SCTR: variants seen among roughly 807,000 people sequenced by gnomAD.
SCTR encodes secretin receptor.
In SCTR, 56 loss-of-function variants were observed where a neutral mutation model predicts 60.8. The ratio of observed to expected loss-of-function variants is 0.92; its 90% CI spans 0.74 to 1.15. SCTR has a LOEUF of 1.15. Among genes scored for constraint, SCTR ranks in the 50% most tolerant of loss-of-function variants. The pLI is 0.00. For synonymous variants in SCTR, 202 were observed against 217.0 expected (o/e 0.93, Z 0.61); for missense variants, 562 against 550.4 (o/e 1.02, Z -0.21).
intron 4 of SCTR, among the ~76,000 whole-genome samples, chr2:119,470,073 C>T (rs1271134036): frequency 6.6e-6 from 1 of 152,328 alleles, no homozygotes; most frequent in East Asian, 1.9e-4. Context: ...TAGGAATGGG[C>T]TTGGCTGTGT....
At chr2:119,497,999 T>G (rs141538498) in intron 1 of SCTR, among the ~76,000 whole-genome samples, 1,544 of 152,156 alleles carry the variant, frequency 0.01, 28 homozygotes, top group African/African-American at 0.036. Context: ...CTTCCCAAAT[T>G]TGGCAAGAGA....
At chr2:119,506,886 G>A (rs897632669) in intron 1 of SCTR, among the ~76,000 whole-genome samples, 5 of 152,144 alleles carry the variant, frequency 3.3e-5, no homozygotes, top group African/African-American at 1.2e-4. Flanking sequence ...CTATAATAGG[G>A]CACCATGAAG....
rs200825424 is a variant in SCTR at position 119,444,248 on chromosome 2, CAT to C, written c.1140+2509_1140+2510del. Among the ~76,000 whole-genome samples the C allele has an allele frequency of 1.5e-3, 195 of 129,040 alleles. 6 individuals carry two copies. Among genetic ancestry groups the C allele is most frequent in the African/African-American group, 6.4e-3 (180 of 28,140 alleles). The allele number at this position is 129,040 out of a possible 152,430, so 84.7% of individuals were successfully genotyped here. The stretch of plus-strand genomic sequence containing the variant: ...ACACATATACATATGAATATATACA[CAT>C]ATACATATGAATATATACATATATA... On this transcript the variant is annotated intron_variant, in intron 11 of 12. Coordinates refer to ENST00000019103, the MANE Select transcript of SCTR (RefSeq NM_002980.3).
In SCTR at chr2:119,452,111, G is replaced by A. The variant is rs763806718; in HGVS notation, c.852-32C>T. On this transcript the variant is annotated intron_variant, in intron 8 of 12. Coordinates refer to ENST00000019103, the MANE Select transcript of SCTR (RefSeq NM_002980.3). ...GAGGGACAGCTGGGCATGGTTATGA[G>A]CAGGAGCTGTGGGAGCTGGGCTAAC... 2.1e-6 allele frequency: 3 copies of A among 1,456,128 alleles called. No homozygotes were observed. The South Asian group carries it at 3.5e-5, about 17-fold the overall frequency. 90.2% of individuals were successfully genotyped at this position (1,456,128 alleles called of 1,614,324 possible).
intron 1 of SCTR, among the ~76,000 whole-genome samples, chr2:119,519,125 C>T (rs1255355259): frequency 1.3e-5 from 2 of 152,158 alleles, no homozygotes; most frequent in Non-Finnish European, 2.9e-5. Context: ...CCACGCCCAG[C>T]TAATTTTTTT....
chr2:119,449,949 G>A (rs1683082101), intron 9 of SCTR, among the ~76,000 whole-genome samples: 1 of 92,868 alleles, frequency 1.1e-5, no homozygotes, highest in South Asian at 3.8e-4. Flanking sequence ...AAAAAAGAAG[G>A]AAGGAAGGAA....
At chr2:119,478,700 C>T (rs1366398855) in intron 3 of SCTR, 111 bp downstream of exon 3, 3 of 872,788 alleles carry the variant, frequency 3.4e-6, no homozygotes, top group South Asian at 1.6e-5. Context: ...CATCATTGTA[C>T]CCATACTTGT....
intron 7 of SCTR, among the ~76,000 whole-genome samples, chr2:119,459,698 G>T (rs886324046): frequency 6.6e-6 from 1 of 152,122 alleles, no homozygotes; most frequent in Admixed American, 6.5e-5. Context: ...GCTCCACAAA[G>T]ATTTGAAGAA....
chr2:119,450,145 C>G lies in SCTR; in HGVS notation c.922-1365G>C, dbSNP rs1003555144. ...GAAGGAAAGGAAGGAAGGAAGGAAG[C>G]AAGGAAGCAAGCAAGCAAGCAGAAA... On this transcript the variant is annotated intron_variant, in intron 9 of 12. Coordinates refer to ENST00000019103, the MANE Select transcript of SCTR (RefSeq NM_002980.3). Among the ~76,000 whole-genome samples the G allele has an allele frequency of 4.8e-5, 7 of 144,554 alleles. No individual in the cohort carries two copies. The East Asian group carries it at 5.9e-4, about 12-fold the overall frequency. 94.8% of individuals were successfully genotyped at this position (144,554 alleles called of 152,430 possible). A position where few individuals can be genotyped will look rare whatever the true frequency, so the allele number is the denominator to read the frequency against.
At chr2:119,480,420 C>T (rs1424512343) in intron 2 of SCTR, among the ~76,000 whole-genome samples, 2 of 152,174 alleles carry the variant, frequency 1.3e-5, no homozygotes, top group African/African-American at 4.8e-5. Flanking sequence ...ACGAGAACAG[C>T]ATGGGAGAAA....
intron 2 of SCTR, chr2:119,486,714 GA>G (rs1677882753): frequency 6.6e-6 from 1 of 152,146 alleles, no homozygotes; most frequent in Non-Finnish European, 1.5e-5. Flanking sequence ...TCTCATCTAT[GA>G]AATGGGAGTA....
At chr2:119,464,003 T>G in intron 6 of SCTR, 120 bp downstream of exon 6, 1 of 1,027,362 alleles carries the variant, frequency 9.7e-7, no homozygotes, top group Non-Finnish European at 1.5e-6. Flanking sequence ...TTATCCTTGG[T>G]ATTAAGTGCA....
Position 119,487,796 on chromosome 2 carries a change from C to T in SCTR, c.193+6632G>A, listed in dbSNP as rs144773487. Among the ~76,000 whole-genome samples the T allele has an allele frequency of 9.4e-3, 1,435 of 152,246 alleles. 18 individuals carry two copies. The highest frequency in any genetic ancestry group is 0.033 in the African/African-American group (1,359 of 41,508). ...GTGATAAGTGTGGCGGGCTCGGTGA[C>T]AGCTCCTTGAGTGGTGTTTCCTGTG... On this transcript the variant is annotated intron_variant, in intron 2 of 12. Transcript: ENST00000019103.
chr2:119,519,078 C>T (rs1215942963), intron 1 of SCTR, among the ~76,000 whole-genome samples: 2 of 152,196 alleles, frequency 1.3e-5, no homozygotes, highest in African/African-American at 4.8e-5. Flanking sequence ...AGCGATTCTC[C>T]TGCCTCAGCT....
intron 2 of SCTR, among the ~76,000 whole-genome samples, chr2:119,492,451 A>G (rs553653810): frequency 3.9e-5 from 6 of 152,210 alleles, no homozygotes; most frequent in Non-Finnish European, 8.8e-5. Context: ...CATAAAATAG[A>G]TGTCAAAACT....
chr2:119,487,369 T>C (rs1677914079), intron 2 of SCTR: 2 of 152,248 alleles, frequency 1.3e-5, no homozygotes, highest in Admixed American at 1.3e-4. Context: ...GGACCCATGC[T>C]CTGTGGAGTG....
intron 1 of SCTR, among the ~76,000 whole-genome samples, chr2:119,516,787 G>A (rs1325953628): frequency 2.0e-5 from 3 of 152,044 alleles, no homozygotes; most frequent in African/African-American, 4.8e-5. Context: ...TGGTGGAACC[G>A]CGTCCCCACT....
chr2:119,443,579 C>T (rs1682735786), intron 11 of SCTR, among the ~76,000 whole-genome samples: 1 of 152,088 alleles, frequency 6.6e-6, no homozygotes, highest in African/African-American at 2.4e-5. Context: ...CGGAGTCTCG[C>T]TCTGTCACCC....
At chr2:119,508,383 CTTTTTTTTTTTTTT>C (rs34070844) in intron 1 of SCTR, among the ~76,000 whole-genome samples, 1 of 77,378 alleles carries the variant, frequency 1.3e-5, no homozygotes, top group African/African-American at 5.4e-5. Flanking sequence ...TCTTCTTCTT[CTTTTTTTTTTTTTT>C]TTTTTTTTTT....
Sources: allele counts gnomAD v4.1 joint callset (sites outside exome capture counted in the v4.1 genomes callset), GRCh38; gene constraint gnomAD v4.1.1; transcripts MANE v1.5; gene names NCBI Gene and HGNC (gene_info 2026-07-23, HGNC 2026-07-21).